Variants in LYPLAL1 observed in about 807,000 individuals in gnomAD.
LYPLAL1 encodes the protein lysophospholipase-like protein 1.
Under a neutral mutation model 19.7 loss-of-function variants are expected in LYPLAL1, and 23 were observed. The ratio of observed to expected loss-of-function variants is 1.17; its 90% CI spans 0.84 to 1.65. The LOEUF (loss-of-function observed/expected upper bound fraction) is 1.65. Ranked by LOEUF, LYPLAL1 falls within the 40% of genes most tolerant of loss-of-function variation. The probability of loss-of-function intolerance (pLI) is 0.00; values close to 1 mark genes in which losing one functional copy is unlikely to be tolerated. For missense variants in LYPLAL1, 355 were observed against 279.4 expected, an observed-to-expected ratio of 1.27 and a Z score of -1.93; for synonymous variants, 119 against 96.3, an observed-to-expected ratio of 1.24 and a Z score of -1.38.
At chr1:219,300,327 G>A in the LYPLAL1 span, among the ~76,000 whole-genome samples, 73 of 152,010 alleles carry the variant, frequency 4.8e-4, no homozygotes, top group South Asian at 1.7e-3. Context: ...GGAAAAGTAT[G>A]GTTAAATTAT....
chr1:219,404,192 T>A, the LYPLAL1 span, among the ~76,000 whole-genome samples: 2 of 152,142 alleles, frequency 1.3e-5, no homozygotes, highest in Admixed American at 6.6e-5. Flanking sequence ...CTCATGACCT[T>A]ATCTAAACCT....
At chr1:219,299,209 T>C in the LYPLAL1 span, among the ~76,000 whole-genome samples, 9 of 149,392 alleles carry the variant, frequency 6.0e-5, no homozygotes, top group South Asian at 2.0e-3. Context: ...TATGCATTAC[T>C]CAGTGCACTC....
the LYPLAL1 span, among the ~76,000 whole-genome samples, chr1:219,429,563 G>A: frequency 1.8e-4 from 27 of 152,108 alleles, no homozygotes; most frequent in African/African-American, 2.9e-4. Context: ...GGGCTGAGGC[G>A]AGAGGAGTGT....
At chr1:219,369,367 G>A in the LYPLAL1 span, among the ~76,000 whole-genome samples, 1 of 152,240 alleles carries the variant, frequency 6.6e-6, no homozygotes, top group Admixed American at 6.5e-5. Flanking sequence ...CACCTCCCAG[G>A]TTCAAGCAAT....
the LYPLAL1 span, among the ~76,000 whole-genome samples, chr1:219,404,524 G>A: frequency 1.3e-5 from 2 of 152,026 alleles, no homozygotes; most frequent in African/African-American, 2.4e-5. Context: ...ATAATAATGT[G>A]CATAATAGTA....
chr1:219,224,891 C>A, the LYPLAL1 span, among the ~76,000 whole-genome samples: 1 of 152,222 alleles, frequency 6.6e-6, no homozygotes, highest in Non-Finnish European at 1.5e-5. Flanking sequence ...AATTCCATAG[C>A]CTGCTTCAGT....
the LYPLAL1 span, among the ~76,000 whole-genome samples, chr1:219,230,281 T>C: frequency 4.6e-5 from 7 of 152,186 alleles, no homozygotes; most frequent in East Asian, 9.7e-4. Context: ...CCCGGCTAAT[T>C]TGTGTATTTT....
At chr1:219,187,412 CTG>C (rs951105206) in intron 2 of LYPLAL1, among the ~76,000 whole-genome samples, 10 of 150,480 alleles carry the variant, frequency 6.6e-5, no homozygotes, top group African/African-American at 2.2e-4. Flanking sequence ...TTTTTTTTCA[CTG>C]TGGTAATTTG....
chr1:219,444,645 A>G, the LYPLAL1 span, among the ~76,000 whole-genome samples: 2 of 152,210 alleles, frequency 1.3e-5, no homozygotes, highest in African/African-American at 4.8e-5. Context: ...CTTACCAGTC[A>G]AAGTCATTGT....
the LYPLAL1 span, among the ~76,000 whole-genome samples, chr1:219,294,889 G>A: frequency 6.6e-6 from 1 of 151,776 alleles, no homozygotes; most frequent in Non-Finnish European, 1.5e-5. Flanking sequence ...TGGGTGTAGA[G>A]CTGGGATGAC....
the LYPLAL1 span, chr1:219,273,001 A>G: frequency 6.6e-6 from 1 of 152,216 alleles, no homozygotes; most frequent in Admixed American, 6.5e-5. Flanking sequence ...AATTAGATTT[A>G]GCAGACAGCC....
the LYPLAL1 span, among the ~76,000 whole-genome samples, chr1:219,379,827 G>A: frequency 6.6e-5 from 10 of 152,336 alleles, no homozygotes; most frequent in South Asian, 1.2e-3. Flanking sequence ...TCAGGATGCT[G>A]TTGCTGTAAT....
chr1:219,320,495 GT>G, the LYPLAL1 span, among the ~76,000 whole-genome samples: 1 of 152,064 alleles, frequency 6.6e-6, no homozygotes, highest in Non-Finnish European at 1.5e-5. Flanking sequence ...CAACGTGCAG[GT>G]TTGTTACTTA....
At chr1:219,198,184 T>G (rs1657768646) in intron 3 of LYPLAL1, among the ~76,000 whole-genome samples, 1 of 152,210 alleles carries the variant, frequency 6.6e-6, no homozygotes, top group South Asian at 2.1e-4. Flanking sequence ...ATTTTTCTAA[T>G]GCTCCAGGGT....
chr1:219,262,362 T>A, the LYPLAL1 span, among the ~76,000 whole-genome samples: 1 of 152,190 alleles, frequency 6.6e-6, no homozygotes, highest in East Asian at 1.9e-4. Flanking sequence ...TTCAGAGATT[T>A]CTTCTTGGTT....
the LYPLAL1 span, among the ~76,000 whole-genome samples, chr1:219,429,872 G>A: frequency 1.8e-4 from 27 of 152,078 alleles, no homozygotes; most frequent in Non-Finnish European, 4.4e-5. Context: ...CCCTCAAGAA[G>A]CTTACAGTTA....
the LYPLAL1 span, among the ~76,000 whole-genome samples, chr1:219,343,742 T>G: frequency 2.0e-5 from 3 of 152,166 alleles, no homozygotes; most frequent in Non-Finnish European, 4.4e-5. Flanking sequence ...GTGGCACTCA[T>G]GTCATCATTC....
chr1:219,181,136 AC>A (rs1408583947), intron 2 of LYPLAL1, among the ~76,000 whole-genome samples: 1 of 152,234 alleles, frequency 6.6e-6, no homozygotes, highest in African/African-American at 2.4e-5. Flanking sequence ...AAAATATTCA[AC>A]ATGTAATCGG....
intron 2 of LYPLAL1, among the ~76,000 whole-genome samples, chr1:219,191,807 A>G (rs960558788): frequency 6.6e-6 from 1 of 151,670 alleles, no homozygotes; most frequent in Non-Finnish European, 1.5e-5. Flanking sequence ...GTTTTTATGT[A>G]CTGACTTTCA....
Sources: allele counts gnomAD v4.1 joint callset (sites outside exome capture counted in the v4.1 genomes callset), GRCh38; gene constraint gnomAD v4.1.1; transcripts MANE v1.5; gene names NCBI Gene and HGNC (gene_info 2026-07-23, HGNC 2026-07-21).